The following PDILT variants were observed in gnomAD, a reference collection of about 807,000 sequenced individuals.
PDILT encodes protein disulfide-isomerase-like protein of the testis.
PDILT carries 43 observed loss-of-function variants against 53.7 expected under a neutral mutation model. The ratio of observed to expected loss-of-function variants is 0.80; its 90% CI spans 0.63 to 1.03. The LOEUF (loss-of-function observed/expected upper bound fraction) is 1.03. PDILT is among the 50% of genes least tolerant of loss of function. PDILT has a pLI of 0.00. For missense variants in PDILT, 727 were observed against 712.3 expected, an observed-to-expected ratio of 1.02 and a Z score of -0.24; for synonymous variants, 282 against 274.2, an observed-to-expected ratio of 1.03 and a Z score of -0.28.
chr16:20,376,007 C>G (rs1174177688), intron 4 of PDILT, 61 bp downstream of exon 4: 6 of 1,591,160 alleles, frequency 3.8e-6, no homozygotes, highest in Non-Finnish European at 4.3e-6. Flanking sequence ...CACACCACCC[C>G]CTCCCAGACA....
At chr16:20,367,035 CT>C (rs1966212392) in intron 8 of PDILT, among the ~76,000 whole-genome samples, 29 of 16,782 alleles carry the variant, frequency 1.7e-3, no homozygotes, top group African/African-American at 4.8e-3. Flanking sequence ...TTCTTTCTTT[CT>C]TTCTTTCTTT....
chr16:20,366,177 A>ATCACACT (rs925669713), intron 8 of PDILT, among the ~76,000 whole-genome samples: 17 of 152,088 alleles, frequency 1.1e-4, no homozygotes, highest in African/African-American at 4.1e-4. Context: ...TAAAACCTTG[A>ATCACACT]TCACACTTTG....
At chr16:20,379,552 C>A (rs1046902322) in intron 3 of PDILT, among the ~76,000 whole-genome samples, 2 of 152,084 alleles carry the variant, frequency 1.3e-5, no homozygotes, top group African/African-American at 2.4e-5. Flanking sequence ...TGGGCTCAAG[C>A]AATTCTCCCA....
At chr16:20,384,406 T>C (rs944423151) in intron 3 of PDILT, among the ~76,000 whole-genome samples, 18 of 152,126 alleles carry the variant, frequency 1.2e-4, no homozygotes, top group Non-Finnish European at 5.9e-5. Context: ...CTTACCACTG[T>C]TCATGGCCAG....
At chr16:20,372,773 C>G (rs1966324921) in intron 7 of PDILT, 29 bp downstream of exon 7, 4 of 1,605,628 alleles carry the variant, frequency 2.5e-6, no homozygotes, top group Non-Finnish European at 2.6e-6. Flanking sequence ...ATCCAGGAGT[C>G]CCAGAGAGCA....
intron 2 of PDILT, among the ~76,000 whole-genome samples, chr16:20,392,872 C>A (rs1318688744): frequency 6.6e-6 from 1 of 152,184 alleles, no homozygotes; most frequent in Non-Finnish European, 1.5e-5. Context: ...CATGAACTCA[C>A]CCTTCTGCCC....
chr16:20,398,546 G>A (rs1303081876), intron 2 of PDILT, among the ~76,000 whole-genome samples: 3 of 152,172 alleles, frequency 2.0e-5, no homozygotes, highest in South Asian at 2.1e-4. Context: ...CATGAGAATC[G>A]CGTGAACACA....
intron 5 of PDILT, among the ~76,000 whole-genome samples, chr16:20,373,399 TAATC>T (rs1231500613): frequency 3.3e-5 from 5 of 152,182 alleles, no homozygotes; most frequent in Non-Finnish European, 7.3e-5. Flanking sequence ...TCATGCTGTG[TAATC>T]CATCAAATAT....
At chr16:20,367,472 G>C (rs766003987) in intron 8 of PDILT, among the ~76,000 whole-genome samples, 1 of 152,122 alleles carries the variant, frequency 6.6e-6, no homozygotes, top group Non-Finnish European at 1.5e-5. Flanking sequence ...TGACAATTGT[G>C]GGGAATTGGG....
intron 1 of PDILT, 77 bp from the exon 2 acceptor site, chr16:20,399,384 G>A (rs1201839766): frequency 4.1e-6 from 6 of 1,460,598 alleles, no homozygotes; most frequent in Non-Finnish European, 5.6e-6. Flanking sequence ...CCACTTCCTT[G>A]TCCAGCTGGT....
At chr16:20,365,624 A>C in intron 8 of PDILT, 84 bp from the exon 9 acceptor site, 1 of 1,505,814 alleles carries the variant, frequency 6.6e-7, no homozygotes, top group Non-Finnish European at 9.1e-7. Flanking sequence ...GGAAACCACT[A>C]AAGGTTTTCT....
chr16:20,365,315 T>A, intron 9 of PDILT, 105 bp downstream of exon 9: 1 of 1,282,564 alleles, frequency 7.8e-7, no homozygotes, highest in Non-Finnish European at 1.1e-6. Flanking sequence ...CTTGGCATGG[T>A]GCATTGATGG....
intron 1 of PDILT, among the ~76,000 whole-genome samples, chr16:20,403,876 C>T (rs1966779275): frequency 6.6e-6 from 1 of 152,012 alleles, no homozygotes; most frequent in Admixed American, 6.6e-5. Flanking sequence ...TCTGGGGCAC[C>T]CTTCCCTCAC....
intron 2 of PDILT, chr16:20,385,839 A>G (rs1966528093): frequency 6.6e-6 from 1 of 152,184 alleles, no homozygotes; most frequent in Non-Finnish European, 1.5e-5. Context: ...CTAGAGGGAA[A>G]TTTTCCAAAC....
chr16:20,374,560 G>T (rs558512533), intron 5 of PDILT, among the ~76,000 whole-genome samples: 6 of 152,102 alleles, frequency 3.9e-5, no homozygotes, highest in Admixed American at 6.5e-5. Flanking sequence ...GGGTAGAAGG[G>T]GAAGCATGGA....
At chr16:20,371,186 G>C (rs1187458460) in intron 7 of PDILT, among the ~76,000 whole-genome samples, 1 of 152,182 alleles carries the variant, frequency 6.6e-6, no homozygotes, top group Non-Finnish European at 1.5e-5. Context: ...AAAGGTCAGA[G>C]ACTGTCGAAG....
Position 20,367,820 on chromosome 16 carries a change from T to C in PDILT, c.1116+1672A>G, listed in dbSNP as rs186119757. The stretch of plus-strand genomic sequence containing the variant: ...ATGCCAGGACACTTTTCAGAGTCCA[T>C]GGGAGCCTGGTTTGCAATGCCATGA... On this transcript the variant is annotated intron_variant, in intron 8 of 11. Coordinates refer to ENST00000302451, the MANE Select transcript of PDILT (RefSeq NM_174924.2). Among the ~76,000 whole-genome samples, 14 of 152,282 alleles carry C rather than the reference T, an allele frequency of 9.2e-5. No individual in the cohort carries two copies. The East Asian group carries it at 2.7e-3, about 29-fold the overall frequency.
At chr16:20,377,607 A>G (rs35208507) in intron 3 of PDILT, among the ~76,000 whole-genome samples, 42,233 of 152,164 alleles carry the variant, frequency 0.28, 6,106 homozygotes, top group Non-Finnish European at 0.31. Context: ...CCTGACTTAG[A>G]CTGTGAAGTC....
chr16:20,389,972 C>A (rs980374675), intron 2 of PDILT, among the ~76,000 whole-genome samples: 3 of 152,232 alleles, frequency 2.0e-5, no homozygotes, highest in Middle Eastern at 3.4e-3. Flanking sequence ...AGGGATACTG[C>A]TAAACATTCT....
Sources: gnomAD v4.1 joint callset for allele counts (sites outside exome capture counted in the v4.1 genomes callset) on GRCh38, gnomAD v4.1.1 for gene constraint, MANE v1.5 for transcripts, NCBI Gene and HGNC (gene_info 2026-07-23, HGNC 2026-07-21) for gene names.